The following POMGNT2 variants were observed in gnomAD, a reference collection of about 807,000 sequenced individuals.
POMGNT2 encodes the protein protein O-linked-mannose beta-1,4-N-acetylglucosaminyltransferase 2.
A neutral mutation model predicts 37.8 loss-of-function variants in POMGNT2; 32 were observed. The ratio of observed to expected loss-of-function variants is 0.85; its 90% confidence interval spans 0.64 to 1.14. POMGNT2 has a LOEUF of 1.14. Among genes scored for constraint, POMGNT2 ranks in the 50% most tolerant of loss-of-function variants. The probability of loss-of-function intolerance (pLI) is 0.00; values close to 1 mark genes in which losing one functional copy is unlikely to be tolerated. For missense variants in POMGNT2, 705 were observed against 780.6 expected, an observed-to-expected ratio of 0.90 and a Z score of 1.15; for synonymous variants, 340 against 336.8, an observed-to-expected ratio of 1.01 and a Z score of -0.10.
At chr3:43,096,417 C>G (rs1456402677) in intron 1 of POMGNT2, among the ~76,000 whole-genome samples, 1 of 152,176 alleles carries the variant, frequency 6.6e-6, no homozygotes, top group Non-Finnish European at 1.5e-5. Flanking sequence ...AATCTTCAAA[C>G]CAACATTAAG....
chr3:43,081,884 T>G (rs1245928028), intron 1 of POMGNT2, among the ~76,000 whole-genome samples: 1 of 152,238 alleles, frequency 6.6e-6, no homozygotes, highest in Non-Finnish European at 1.5e-5. Context: ...ATAAGAAGAA[T>G]GTATTCAGGC....
intron 1 of POMGNT2, among the ~76,000 whole-genome samples, chr3:43,083,449 A>G (rs1308260493): frequency 1.3e-5 from 2 of 152,214 alleles, no homozygotes; most frequent in Non-Finnish European, 2.9e-5. Flanking sequence ...GGTCTGGAGT[A>G]TGGCTCAGGC....
At chr3:43,081,914 G>A (rs1171652852) in intron 1 of POMGNT2, among the ~76,000 whole-genome samples, 8 of 152,256 alleles carry the variant, frequency 5.3e-5, no homozygotes, top group Non-Finnish European at 1.2e-4. Flanking sequence ...GGCCCCAAGA[G>A]GAGCGAGATA....
chr3:43,088,891 T>C (rs1030118982), intron 1 of POMGNT2, among the ~76,000 whole-genome samples: 4 of 152,238 alleles, frequency 2.6e-5, no homozygotes, highest in Admixed American at 2.0e-4. Flanking sequence ...GTTGGGATTT[T>C]GGCTTCCCAC....
chr3:43,096,874 T>C (rs140929837), intron 1 of POMGNT2, among the ~76,000 whole-genome samples: 35 of 152,314 alleles, frequency 2.3e-4, no homozygotes, highest in African/African-American at 8.2e-4. Flanking sequence ...CCAAACCACT[T>C]TACTAAGCTC....
rs1217364091 is a variant in POMGNT2, at chr3:43,079,738, T to C, written c.1694A>G (p.Asn565Ser). Residue 565 changes from asparagine to serine, a missense_variant, in exon 2 of 2, where the codon AAC (asparagine) becomes AGC (serine). Physicochemically the swap from Asn to Ser is conservative, Grantham distance 46 (BLOSUM62 1). Coordinates refer to ENST00000344697, the MANE Select transcript of POMGNT2 (RefSeq NM_032806.6). ...TYLVWVRCIF[N>S]KILLGPFADV... ...TGCAAAGGGTCCCAGGAGGATCTTGTTGAAGATGCAGCGGACCCACACCAG... is the reference window on the plus strand; with the variant it reads ...TGCAAAGGGTCCCAGGAGGATCTTGCTGAAGATGCAGCGGACCCACACCAG... The C allele has an allele frequency of 2.5e-6, 4 of 1,614,164 alleles. No homozygotes were observed. The highest frequency in any genetic ancestry group is 2.2e-5 in the East Asian group (1 of 44,878).
chr3:43,088,070 C>A (rs886080223), intron 1 of POMGNT2: 3 of 152,188 alleles, frequency 2.0e-5, no homozygotes. Flanking sequence ...TCAGGTTCAA[C>A]CTAACATGTG....
chr3:43,105,590 C>T (rs1259601639), intron 1 of POMGNT2, among the ~76,000 whole-genome samples: 2 of 149,626 alleles, frequency 1.3e-5, no homozygotes, highest in African/African-American at 4.9e-5. Context: ...CCCCAATCCC[C>T]GGCCCCCGAC....
intron 1 of POMGNT2, among the ~76,000 whole-genome samples, chr3:43,096,118 G>A (rs1008180740): frequency 2.6e-5 from 4 of 152,112 alleles, no homozygotes; most frequent in Non-Finnish European, 5.9e-5. Flanking sequence ...AAAAGCGGAG[G>A]TAATCAAACT....
At chr3:43,083,856 A>G (rs956829995) in intron 1 of POMGNT2, among the ~76,000 whole-genome samples, 19 of 152,064 alleles carry the variant, frequency 1.2e-4, no homozygotes, top group Non-Finnish European at 7.4e-5. Context: ...TTCCATTCCT[A>G]TATCCCTTCT....
At chr3:43,094,514 C>T (rs1281724193) in intron 1 of POMGNT2, among the ~76,000 whole-genome samples, 1 of 152,188 alleles carries the variant, frequency 6.6e-6, no homozygotes, top group Non-Finnish European at 1.5e-5. Context: ...TGAGAGAGCC[C>T]AGGTGGGCCT....
At chr3:43,088,489 C>T (rs1183581027) in intron 1 of POMGNT2, among the ~76,000 whole-genome samples, 1 of 152,192 alleles carries the variant, frequency 6.6e-6, no homozygotes, top group Non-Finnish European at 1.5e-5. Context: ...TTCCTAACAA[C>T]ATCCCTAGTG....
At chr3:43,092,805 TAAAG>T (rs576639750) in intron 1 of POMGNT2, among the ~76,000 whole-genome samples, 356 of 152,302 alleles carry the variant, frequency 2.3e-3, no homozygotes, top group African/African-American at 8.3e-3. Context: ...AGTAAAGAAT[TAAAG>T]AAATCACTAT....
Position 43,080,277 on chromosome 3 carries a change from G to A in POMGNT2, c.1155C>T (p.Gly385=), listed in dbSNP as rs1009060893. The A allele has an allele frequency of 6.2e-7, 1 of 1,614,090 alleles. No individual in the cohort carries two copies. The highest frequency in any genetic ancestry group is 8.5e-7 in the Non-Finnish European group (1 of 1,180,048). The change falls in exon 2 of 2, where the codon GGC becomes GGT. Residue 385 remains glycine (G), a synonymous_variant. Coordinates refer to ENST00000344697, the MANE Select transcript of POMGNT2 (RefSeq NM_032806.6). ...TPYKTLAMLP[G]MDLQYVAWRN... is the part of the protein sequence containing the mutation. ...GCCAGGCTACATACTGGAGGTCCAT[G>A]CCAGGCAGCATGGCCAGCGTCTTAT...
chr3:43,082,767 A>C (rs1490235331), intron 1 of POMGNT2, among the ~76,000 whole-genome samples: 2 of 152,204 alleles, frequency 1.3e-5, no homozygotes, highest in Non-Finnish European at 2.9e-5. Flanking sequence ...AAAGAATCCA[A>C]GTGCATCTTG....
At chr3:43,105,655 A>C (rs1247270000) in intron 1 of POMGNT2, among the ~76,000 whole-genome samples, 181 bp downstream of exon 1, 3 of 143,498 alleles carry the variant, frequency 2.1e-5, no homozygotes, top group Non-Finnish European at 4.5e-5. Flanking sequence ...AGCTCGCTTC[A>C]CACGTCACCC....
chr3:43,093,522 G>A (rs1423666560), intron 1 of POMGNT2, among the ~76,000 whole-genome samples: 2 of 152,228 alleles, frequency 1.3e-5, no homozygotes, highest in African/African-American at 4.8e-5. Context: ...TGGGAAGAAA[G>A]TTTTGCTGGG....
At chr3:43,091,833 T>G (rs2089946306) in intron 1 of POMGNT2, among the ~76,000 whole-genome samples, 1 of 152,216 alleles carries the variant, frequency 6.6e-6, no homozygotes, top group African/African-American at 2.4e-5. Flanking sequence ...CATTTCTAAA[T>G]GGGGATTCGT....
intron 1 of POMGNT2, among the ~76,000 whole-genome samples, chr3:43,083,487 C>T (rs530947862): frequency 1.3e-5 from 2 of 152,298 alleles, no homozygotes; most frequent in South Asian, 4.2e-4. Flanking sequence ...CTTTTATTTC[C>T]TGCCTTCTTG....
Sources: allele counts gnomAD v4.1 joint callset (sites outside exome capture counted in the v4.1 genomes callset), GRCh38; gene constraint gnomAD v4.1.1; transcripts MANE v1.5; gene names NCBI Gene and HGNC (gene_info 2026-07-23, HGNC 2026-07-21).